FAM83G: variants seen among roughly 807,000 people sequenced by gnomAD.
The protein encoded by FAM83G is scaffolding CK1 anchoring protein G, also known as protein FAM83G.
In FAM83G, 38 loss-of-function variants were observed where a neutral mutation model predicts 61.5. The ratio of observed to expected loss-of-function variants is 0.62; its 90% CI spans 0.48 to 0.81. FAM83G has a LOEUF of 0.81. FAM83G is among the 30% of genes least tolerant of loss of function. FAM83G has a pLI of 0.00. For missense variants in FAM83G, 989 were observed against 1,133.6 expected (o/e 0.87, Z 1.83); for synonymous variants, 470 against 476.1 (o/e 0.99, Z 0.17).
chr17:18,976,884 G>A lies in FAM83G; in HGVS notation c.2082+700C>T, dbSNP rs766162266. The A allele has an allele frequency of 9.3e-6, 15 of 1,613,588 alleles. No individual in the cohort carries two copies. In the Admixed American group the frequency reaches 2.5e-4, roughly 27 times the overall value. On this transcript the variant is annotated intron_variant, in intron 5 of 5. Transcript: ENST00000388995. ...CGTGCAGCGATCACTGTCAGCCCGG[G>A]ACCTGAACCATGCCAAGGCGGGCTC...
intron 5 of FAM83G, among the ~76,000 whole-genome samples, chr17:18,973,135 G>A (rs1001233235): frequency 6.6e-6 from 1 of 152,226 alleles, no homozygotes; most frequent in Non-Finnish European, 1.5e-5. Context: ...AAGGTTGGCC[G>A]TGGAGGGCAC....
At chr17:19,002,788 C>A (rs907958788) in intron 2 of FAM83G, among the ~76,000 whole-genome samples, 3 of 152,200 alleles carry the variant, frequency 2.0e-5, no homozygotes, top group African/African-American at 4.8e-5. Flanking sequence ...AATGGCCCCC[C>A]ACAGCTAGGG....
intron 5 of FAM83G, chr17:18,977,210 CA>C: frequency 1.6e-6 from 1 of 642,358 alleles, no homozygotes; most frequent in Non-Finnish European, 2.6e-6. Context: ...TGTGTGACCT[CA>C]AGGCTGTAAA....
chr17:18,983,472 T>C (rs2043188898), intron 3 of FAM83G, among the ~76,000 whole-genome samples: 1 of 152,220 alleles, frequency 6.6e-6, no homozygotes, highest in South Asian at 2.1e-4. Flanking sequence ...TGGCCATTCC[T>C]AGGTTTATTG....
Position 18,971,349 on chromosome 17 carries a change from G to C in FAM83G, c.*10C>G, listed in dbSNP as rs1329829091. On this transcript the variant is annotated 3_prime_UTR_variant, in exon 6 of 6. Coordinates refer to ENST00000388995, the MANE Select transcript of FAM83G (RefSeq NM_001039999.3). The surrounding 1 kb of genome is among the most constrained non-coding windows in gnomAD (Gnocchi z 5.5). The stretch of plus-strand genomic sequence containing the variant: ...CCTCAGAAGGTGTGGCTCCAGGCTG[G>C]GACATGCTGCTAGGGGTCTTTGCGG... The C allele has an allele frequency of 6.3e-7, 1 of 1,597,582 alleles. No individual in the cohort carries two copies. Among genetic ancestry groups the C allele is most frequent in the African/African-American group, 1.4e-5 (1 of 70,050 alleles).
chr17:18,973,170 G>A (rs1034693306), intron 5 of FAM83G, among the ~76,000 whole-genome samples: 4 of 152,236 alleles, frequency 2.6e-5, no homozygotes, highest in Non-Finnish European at 5.9e-5. Flanking sequence ...ACCCTGCCAG[G>A]CTGAGCCCCT....
intron 2 of FAM83G, among the ~76,000 whole-genome samples, chr17:18,989,041 T>C (rs2043343217): frequency 6.6e-6 from 1 of 152,202 alleles, no homozygotes; most frequent in Non-Finnish European, 1.5e-5. Flanking sequence ...CTGTCAGGCT[T>C]CTCTCACACC....
rs1333246962 is a variant in FAM83G, at chr17:18,982,681, C to G, written c.691-3008G>C. On this transcript the variant is annotated intron_variant, in intron 3 of 5. Coordinates refer to ENST00000388995, the MANE Select transcript of FAM83G (RefSeq NM_001039999.3). ...GGGGCAAACTACAGCAACCTGCCCC[C>G]AATCCCCCCAGGCCTCCAGGCCACA... Among the ~76,000 whole-genome samples, 7 of 152,190 alleles carry G rather than the reference C, an allele frequency of 4.6e-5. No homozygotes were observed. In the East Asian group the frequency reaches 9.7e-4, roughly 21 times the overall value.
At position 18,978,243 on chromosome 17, in the gene FAM83G, A is replaced by C. The variant is rs1201791984; in HGVS notation, c.1423T>G (p.Cys475Gly). 6.3e-7 allele frequency: 1 copy of C among 1,595,278 alleles called. No individual in the cohort carries two copies. Among genetic ancestry groups the C allele is most frequent in the Non-Finnish European group, 8.5e-7 (1 of 1,169,814 alleles). The change falls in exon 5 of 6, where the codon TGC becomes GGC. Residue 475 changes from cysteine to glycine, a missense_variant. Cys to Gly is a radical substitution (Grantham distance 159). Around this residue, in one of 3 missense-constraint regions of FAM83G, gnomAD observed 574 missense variants for 645.1 expected, o/e 0.89. Coordinates refer to ENST00000388995, the MANE Select transcript of FAM83G (RefSeq NM_001039999.3). ...SQDSRPRPEP[C>G]PPPEPSAPQD... ...GGGGCACTGGGCTCTGGGGGAGGGC[A>C]AGGCTCTGGACGGGGCCTGCTGTCC...
intron 3 of FAM83G, among the ~76,000 whole-genome samples, chr17:18,987,150 G>A (rs1289798218): frequency 1.3e-5 from 2 of 152,332 alleles, no homozygotes; most frequent in East Asian, 3.9e-4. Flanking sequence ...CAGACTGGCG[G>A]TGCCCCTTCT....
At chr17:18,984,580 G>A (rs1343886383) in intron 3 of FAM83G, among the ~76,000 whole-genome samples, 1 of 152,228 alleles carries the variant, frequency 6.6e-6, no homozygotes, top group East Asian at 1.9e-4. Flanking sequence ...ACGGGAAACG[G>A]GTCTGGCCTT....
intron 2 of FAM83G, among the ~76,000 whole-genome samples, chr17:18,995,886 C>T (rs2043556838): frequency 6.8e-6 from 1 of 147,722 alleles, no homozygotes; most frequent in South Asian, 2.2e-4. Flanking sequence ...CCAGCCTGGG[C>T]AACAGAGTAA....
chr17:18,994,973 T>C (rs2043526231), intron 2 of FAM83G, among the ~76,000 whole-genome samples: 1 of 152,218 alleles, frequency 6.6e-6, no homozygotes, highest in Non-Finnish European at 1.5e-5. Flanking sequence ...TCCTGCCTAA[T>C]AAAGCTTGAC....
rs911984177 is a variant in FAM83G at position 18,977,574 on chromosome 17, C to G, written c.2082+10G>C. On this transcript the variant is annotated intron_variant, in intron 5 of 5. Coordinates refer to ENST00000388995, the MANE Select transcript of FAM83G (RefSeq NM_001039999.3). ...CTCGTGACCCCTGGTGTGCAGGGACCCTGACCCACCTGTGCCTCCTTGTCT... is the reference window on the plus strand; with the variant it reads ...CTCGTGACCCCTGGTGTGCAGGGACGCTGACCCACCTGTGCCTCCTTGTCT... 6 of 1,605,046 alleles carry G rather than the reference C, an allele frequency of 3.7e-6. No homozygotes were observed. Among genetic ancestry groups the G allele is most frequent in the Non-Finnish European group, 5.1e-6 (6 of 1,178,452 alleles).
At chr17:18,975,093 C>T (rs184441754) in intron 5 of FAM83G, among the ~76,000 whole-genome samples, 81 of 152,260 alleles carry the variant, frequency 5.3e-4, no homozygotes, top group African/African-American at 1.9e-3. Context: ...AATATCCCAC[C>T]AATGGCAAAA....
chr17:18,976,952 C>G lies in FAM83G; in HGVS notation c.2082+632G>C. ...TCAAGATGCTCCCCATGGGCCTGAT[C>G]ATCATGCCGGGCATGATCAGCCGCG... On this transcript the variant is annotated intron_variant, in intron 5 of 5. Coordinates refer to ENST00000388995, the MANE Select transcript of FAM83G (RefSeq NM_001039999.3). 2 of 1,613,362 alleles carry G rather than the reference C, an allele frequency of 1.2e-6. No individual in the cohort carries two copies. Among genetic ancestry groups the G allele is most frequent in the Non-Finnish European group, 1.7e-6 (2 of 1,179,822 alleles).
intron 3 of FAM83G, among the ~76,000 whole-genome samples, chr17:18,984,068 C>G (rs533804716): frequency 6.6e-6 from 1 of 152,156 alleles, no homozygotes; most frequent in African/African-American, 2.4e-5. Context: ...CTTGGCCGGG[C>G]GCGGTGGCTC....
At chr17:19,006,009 C>G (rs1008833980), upstream of FAM83G, among the ~76,000 whole-genome samples, 8 of 152,120 alleles carry the variant, frequency 5.3e-5, no homozygotes, top group Non-Finnish European at 1.5e-5. Flanking sequence ...TCAGCTTCTC[C>G]CTGTGTTCTT....
In FAM83G at chr17:18,968,947, A is replaced by C. The variant is rs1051125009; in HGVS notation, c.*2412T>G. 1.8e-6 allele frequency: 2 copies of C among 1,095,408 alleles called. No individual in the cohort carries two copies. The highest frequency in any genetic ancestry group is 5.3e-5 in the Admixed American group (2 of 38,048). The allele number at this position is 1,095,408 out of a possible 1,614,324, so 67.9% of individuals were successfully genotyped here. ...GAGTGGGGGTCTCCCCTCCTTATCC[A>C]CAGGCCACCGAGGCCCAGAGAGGGC... On this transcript the variant is annotated 3_prime_UTR_variant, in exon 6 of 6. Coordinates refer to ENST00000388995, the MANE Select transcript of FAM83G (RefSeq NM_001039999.3). This position sits in a 1 kb window ranked among gnomAD's most constrained non-coding sequence, Gnocchi z 4.1.
Sources: gnomAD v4.1 joint callset for allele counts (sites outside exome capture counted in the v4.1 genomes callset) on GRCh38, gnomAD v4.1.1 for gene constraint, gnomAD v4.1.1 regional missense constraint, Gnocchi (gnomAD v3.1) non-coding constraint, MANE v1.5 for transcripts, NCBI Gene and HGNC (gene_info 2026-07-23, HGNC 2026-07-21) for gene names.